The following PPL variants were observed in gnomAD, a reference collection of about 807,000 sequenced individuals.
PPL encodes 190 kDa paraneoplastic pemphigus antigen.
A neutral mutation model predicts 194.4 loss-of-function variants in PPL; 198 were observed. The observed-to-expected ratio is 1.02, with a 90% CI of 0.91 to 1.15. The LOEUF (loss-of-function observed/expected upper bound fraction) is 1.15, where lower values mean the gene tolerates loss of function less well. PPL is among the 50% of genes most tolerant of loss of function. PPL has a pLI of 0.00. For synonymous variants in PPL, 1,220 were observed against 972.4 expected, an observed-to-expected ratio of 1.25 and a Z score of -4.74; for missense variants, 2,885 against 2,294.8, an observed-to-expected ratio of 1.26 and a Z score of -5.25.
intron 1 of PPL, among the ~76,000 whole-genome samples, chr16:4,917,305 G>A (rs2088941900): frequency 1.3e-5 from 2 of 152,114 alleles, no homozygotes; most frequent in Non-Finnish European, 2.9e-5. Flanking sequence ...ACCAAACGTG[G>A]TCTATCTCTA....
At chr16:4,888,078 G>C (rs1567990832) in intron 20 of PPL, 24 bp downstream of exon 20, 1 of 1,576,134 alleles carries the variant, frequency 6.3e-7, no homozygotes, top group Non-Finnish European at 8.7e-7. Context: ...TCAGTCCCGA[G>C]GCCGCCTGGC....
chr16:4,892,011 C>G, intron 15 of PPL, 24 bp downstream of exon 15: 1 of 1,611,760 alleles, frequency 6.2e-7, no homozygotes, highest in Non-Finnish European at 8.5e-7. Context: ...ACCCCAACCT[C>G]CATGCTGCCT....
Position 4,883,937 on chromosome 16 carries a change from T to G in PPL, c.4718A>C (p.Gln1573Pro). 2 of 1,614,088 alleles carry G rather than the reference T, an allele frequency of 1.2e-6. No individual in the cohort carries two copies. The highest frequency in any genetic ancestry group is 1.1e-5 in the South Asian group (1 of 91,084). ...CCTTCGGGTCTCCAGCTGCAGGTTT[T>G]GCCTCTCCAGCTGTAATTTGTGGTT... is the stretch of plus-strand genomic sequence containing the variant. ...EENHKLQLER[Q>P]NLQLETRRLQ... The change falls in exon 22 of 22, where the codon CAA (glutamine) becomes CCA (proline). Residue 1573 changes from glutamine to proline, a missense_variant. Transcript: ENST00000345988. The surrounding 1 kb of genome is among the most constrained non-coding windows in gnomAD (Gnocchi z 4.8).
chr16:4,920,826 C>T (rs2089035180), intron 1 of PPL, among the ~76,000 whole-genome samples: 1 of 152,144 alleles, frequency 6.6e-6, no homozygotes, highest in Non-Finnish European at 1.5e-5. Context: ...TGGTCTTAAA[C>T]TCCTGAGCTC....
At chr16:4,892,904 G>C (rs1226938847) in intron 14 of PPL, 4 of 313,644 alleles carry the variant, frequency 1.3e-5, no homozygotes, top group African/African-American at 2.2e-5. Flanking sequence ...AAACGCTAAC[G>C]TGTTTGCAGT....
At chr16:4,898,044 G>A (rs192309259) in intron 8 of PPL, among the ~76,000 whole-genome samples, 1 of 152,326 alleles carries the variant, frequency 6.6e-6, no homozygotes, top group East Asian at 1.9e-4. Context: ...CGGCAAATCT[G>A]TACAAAGGCA....
At chr16:4,929,013 T>TA (rs1167603474) in intron 1 of PPL, among the ~76,000 whole-genome samples, 4 of 17,140 alleles carry the variant, frequency 2.3e-4, no homozygotes, top group African/African-American at 5.4e-4. Flanking sequence ...AACTCTACCT[T>TA]AAAAAAAAAA....
intron 1 of PPL, among the ~76,000 whole-genome samples, chr16:4,929,990 A>C (rs1311786276): frequency 6.6e-6 from 1 of 152,126 alleles, no homozygotes; most frequent in Non-Finnish European, 1.5e-5. Context: ...TGGTTCCCTA[A>C]GCTTTCCAAT....
intron 1 of PPL, among the ~76,000 whole-genome samples, chr16:4,919,261 C>G (rs550325569): frequency 5.9e-5 from 9 of 152,308 alleles, no homozygotes; most frequent in Admixed American, 5.9e-4. Flanking sequence ...AGGTCCCGGA[C>G]GTGAAGTCAC....
chr16:4,913,697 C>G (rs1209371848), intron 1 of PPL, among the ~76,000 whole-genome samples: 1 of 152,192 alleles, frequency 6.6e-6, no homozygotes, highest in African/African-American at 2.4e-5. Flanking sequence ...GCCACCATGC[C>G]CAGCCTCCTT....
chr16:4,888,983 C>CATA lies in PPL; in HGVS notation c.2391_2392insTAT (p.Ala797_Val798insTyr). ...GCGGAAGTTTCCCGGCTCACCTTTA[C>CATA]AGCTTGCTGGTACTGCTGGGAATTG... On this transcript the variant is annotated inframe_insertion, in exon 19 of 22. Transcript: ENST00000345988. The CATA allele has an allele frequency of 1.2e-6, 2 of 1,613,334 alleles. No homozygotes were observed. Among genetic ancestry groups the CATA allele is most frequent in the Non-Finnish European group, 1.7e-6 (2 of 1,179,818 alleles).
At chr16:4,921,157 G>A (rs1025143673) in intron 1 of PPL, among the ~76,000 whole-genome samples, 2 of 152,216 alleles carry the variant, frequency 1.3e-5, no homozygotes, top group Admixed American at 1.3e-4. Context: ...GTCTCACAGA[G>A]CCCCATTTTC....
chr16:4,926,602 G>A (rs531986753), intron 1 of PPL, among the ~76,000 whole-genome samples: 6 of 152,282 alleles, frequency 3.9e-5, no homozygotes, highest in South Asian at 2.1e-4. Flanking sequence ...TTGGCTTGGC[G>A]CGGTGACTCA....
intron 4 of PPL, 49 bp from the exon 5 acceptor site, chr16:4,901,138 G>A (rs1228382299): frequency 6.2e-7 from 1 of 1,600,134 alleles, no homozygotes; most frequent in Non-Finnish European, 8.5e-7. Flanking sequence ...GCTGAGGGCT[G>A]GGGACGTGTG....
At chr16:4,888,250 A>G in intron 19 of PPL, 32 bp from the exon 20 acceptor site, 1 of 1,464,214 alleles carries the variant, frequency 6.8e-7, no homozygotes, top group Non-Finnish European at 9.6e-7. Flanking sequence ...CAGAGGGGAG[A>G]TTAAAACAGC....
At chr16:4,901,814 C>A (rs2088577379) in intron 4 of PPL, among the ~76,000 whole-genome samples, 2 of 151,480 alleles carry the variant, frequency 1.3e-5, no homozygotes, top group Admixed American at 6.6e-5. Context: ...ATGGCGTGCA[C>A]CTGTAATTCC....
At position 4,885,384 on chromosome 16, in the gene PPL, GCTC is replaced by G. The variant is rs774179240; in HGVS notation, c.3268_3270del (p.Glu1090del). On this transcript the variant is annotated inframe_deletion, in exon 22 of 22. Coordinates refer to ENST00000345988, the MANE Select transcript of PPL (RefSeq NM_002705.5). The surrounding 1 kb of genome is among the most constrained non-coding windows in gnomAD (Gnocchi z 6.3). ...TTGAGCTTGTCCTGGAGGAAGCTCA[GCTC>G]CTCCTCCTGCTTCTCCCTGAGCTGG... is the stretch of plus-strand genomic sequence containing the variant. 1.2e-4 allele frequency: 193 copies of G among 1,612,884 alleles called. No homozygotes were observed. The highest frequency in any genetic ancestry group is 1.5e-4 in the Non-Finnish European group (181 of 1,179,968).
Position 4,893,551 on chromosome 16 carries a change from C to T in PPL, c.1482G>A (p.Glu494=), listed in dbSNP as rs749968583. The T allele has an allele frequency of 5.0e-6, 8 of 1,612,654 alleles. No homozygotes were observed. In the South Asian group the frequency reaches 7.7e-5, roughly 16 times the overall value. The change falls in exon 13 of 22, where the codon GAG becomes GAA. Residue 494 remains glutamate, a synonymous_variant. Coordinates refer to ENST00000345988, the MANE Select transcript of PPL (RefSeq NM_002705.5). ...GGCCCTGGCACCCACCTCCGGGATT[C>T]TCGGTCTTCAGCACCTCATACCGCT... The part of the protein sequence containing the change: ...LQQRYEVLKT[E]NPGDASDLQG...
intron 1 of PPL, among the ~76,000 whole-genome samples, chr16:4,929,215 G>C (rs2089198012): frequency 1.3e-5 from 2 of 151,826 alleles, no homozygotes; most frequent in Admixed American, 6.6e-5. Context: ...CCCAGTTCTG[G>C]TCCCCTCCCC....
Sources: allele counts gnomAD v4.1 joint callset (sites outside exome capture counted in the v4.1 genomes callset), GRCh38; gene constraint gnomAD v4.1.1; non-coding constraint Gnocchi (gnomAD v3.1); transcripts MANE v1.5; gene names NCBI Gene and HGNC (gene_info 2026-07-23, HGNC 2026-07-21).